Variants in MGA observed in about 807,000 individuals in gnomAD.
MGA encodes MAX dimerization protein MGA, also known as MAX gene-associated protein.
MGA carries 40 observed loss-of-function variants against 261.1 expected under a neutral mutation model. The observed-to-expected ratio is 0.15, with a 90% CI of 0.12 to 0.20. MGA has a LOEUF of 0.20. Ranked by LOEUF, MGA falls within the 10% of genes least tolerant of loss-of-function variation. The pLI is 1.00. For missense variants in MGA, 3,397 were observed against 3,630.5 expected, an observed-to-expected ratio of 0.94 and a Z score of 1.65; for synonymous variants, 1,302 against 1,290.6, an observed-to-expected ratio of 1.01 and a Z score of -0.19.
At position 41,645,958 on chromosome 15, in the gene MGA, C is replaced by T. The variant is rs1312121349; in HGVS notation, c.-67-22870C>T. 2.0e-5 allele frequency among the ~76,000 whole-genome samples: 3 copies of T among 152,138 alleles called. No individual in the cohort carries two copies. In the East Asian group the frequency reaches 5.8e-4, roughly 29 times the overall value. ...TGACTAGGTTGAATTCATTGAGACA[C>T]ATGGTGAAGTCTGTCAGAAAAGCTA... On this transcript the variant is annotated intron_variant, in intron 1 of 8. Coordinates refer to the MGA transcript ENST00000566718.
At chr15:41,635,785 A>G (rs1417579002) in intron 1 of MGA, among the ~76,000 whole-genome samples, 1 of 152,178 alleles carries the variant, frequency 6.6e-6, no homozygotes, top group Non-Finnish European at 1.5e-5. Flanking sequence ...GACTGCATAT[A>G]CTGTGGTGGT....
At chr15:41,691,000 T>G (rs953853980) in intron 2 of MGA, among the ~76,000 whole-genome samples, 1 of 151,048 alleles carries the variant, frequency 6.6e-6, no homozygotes, top group Non-Finnish European at 1.5e-5. Flanking sequence ...CTTTGTTTTT[T>G]TTTTTTTTTT....
At chr15:41,688,146 G>A (rs1413063322) in intron 2 of MGA, among the ~76,000 whole-genome samples, 1 of 152,154 alleles carries the variant, frequency 6.6e-6, no homozygotes, top group African/African-American at 2.4e-5. Context: ...TGCGATGTTG[G>A]CTCACTGCAA....
At chr15:41,732,185 G>C (rs2061543691) in intron 11 of MGA, among the ~76,000 whole-genome samples, 1 of 140,844 alleles carries the variant, frequency 7.1e-6, no homozygotes, top group Admixed American at 7.3e-5. Context: ...TTCTCGCTCT[G>C]TCCCCCAGGC....
At chr15:41,724,528 GTTAAAA>G (rs1251510798) in intron 9 of MGA, among the ~76,000 whole-genome samples, 1 of 152,040 alleles carries the variant, frequency 6.6e-6, no homozygotes, top group Non-Finnish European at 1.5e-5. Flanking sequence ...CTATAAAAAA[GTTAAAA>G]TTAAAAAATT....
At chr15:41,680,897 G>GGAGGTA (rs1315303375) in intron 2 of MGA, among the ~76,000 whole-genome samples, 1 of 152,144 alleles carries the variant, frequency 6.6e-6, no homozygotes, top group Non-Finnish European at 1.5e-5. Context: ...GGTTGAGCTG[G>GGAGGTA]CTCAGAGTCC....
In MGA at chr15:41,707,816, C is replaced by T. The variant is rs927722114; in HGVS notation, c.2277C>T (p.Ser759=). ...AGTTACCTTTGGCTCCAGCTACTAG[C>T]TTTCCTTTTTGGAACCTTACAGGAA... Residue 759 remains serine, a synonymous_variant, in exon 6 of 24, where the codon AGC becomes AGT. Transcript: ENST00000219905. The T allele has an allele frequency of 1.5e-5, 24 of 1,613,738 alleles. No individual in the cohort carries two copies. The African/African-American group carries it at 2.8e-4, about 19-fold the overall frequency.
chr15:41,752,534 A>G (rs1318902346), intron 17 of MGA, among the ~76,000 whole-genome samples: 2 of 150,826 alleles, frequency 1.3e-5, no homozygotes, highest in East Asian at 3.9e-4. Context: ...GAACTTACAT[A>G]ATAGAACCTT....
chr15:41,721,184 G>A (rs1205125374), intron 9 of MGA, among the ~76,000 whole-genome samples: 1 of 152,060 alleles, frequency 6.6e-6, no homozygotes, highest in Non-Finnish European at 1.5e-5. Context: ...AAGAAATTCA[G>A]AGGCTGGGCA....
At chr15:41,623,851 T>G (rs1461834208) in intron 1 of MGA, among the ~76,000 whole-genome samples, 1 of 151,438 alleles carries the variant, frequency 6.6e-6, no homozygotes, top group African/African-American at 2.4e-5. Flanking sequence ...CCACAACCTC[T>G]GCCTTCTGGG....
chr15:41,703,536 T>C (rs1364559030), intron 5 of MGA, among the ~76,000 whole-genome samples: 1 of 152,132 alleles, frequency 6.6e-6, no homozygotes, highest in South Asian at 2.1e-4. Flanking sequence ...GATTTATCTA[T>C]TCTTCTTTTT....
At chr15:41,694,617 C>T (rs2059456965) in intron 2 of MGA, among the ~76,000 whole-genome samples, 1 of 151,626 alleles carries the variant, frequency 6.6e-6, no homozygotes, top group South Asian at 2.1e-4. Context: ...AGCTCCGCCT[C>T]CCAGGTTCAC....
At chr15:41,724,632 C>T (rs1487313179) in intron 9 of MGA, among the ~76,000 whole-genome samples, 1 of 152,058 alleles carries the variant, frequency 6.6e-6, no homozygotes, top group East Asian at 1.9e-4. Flanking sequence ...CTATGGAGAG[C>T]CATGGTGGTG....
At chr15:41,636,046 A>C (rs979058046) in intron 1 of MGA, among the ~76,000 whole-genome samples, 2 of 152,222 alleles carry the variant, frequency 1.3e-5, no homozygotes, top group Non-Finnish European at 2.9e-5. Context: ...TACATATATT[A>C]CATAGTTCAT....
chr15:41,718,357 G>T, intron 9 of MGA: 3 of 522,234 alleles, frequency 5.7e-6, no homozygotes, highest in Non-Finnish European at 6.5e-6. Flanking sequence ...ATTTAGTTAG[G>T]TTCTTAAGAA....
chr15:41,643,874 C>T (rs1289234044), intron 1 of MGA, among the ~76,000 whole-genome samples: 4 of 151,610 alleles, frequency 2.6e-5, no homozygotes, highest in African/African-American at 9.7e-5. Flanking sequence ...AGCCTTTTTG[C>T]CATACTTAAG....
At chr15:41,757,743 T>C in intron 18 of MGA, 45 bp from the exon 19 acceptor site, 1 of 1,506,472 alleles carries the variant, frequency 6.6e-7, no homozygotes, top group Non-Finnish European at 9.2e-7. Context: ...AGGTCTTAGA[T>C]TATTAAATTT....
chr15:41,669,751 GTTC>G lies in MGA; in HGVS notation c.862_864del (p.Ser288del), dbSNP rs1273575774. 1.2e-6 allele frequency: 2 copies of G among 1,613,836 alleles called. No individual in the cohort carries two copies. The highest frequency in any genetic ancestry group is 1.7e-6 in the Non-Finnish European group (2 of 1,179,812). On this transcript the variant is annotated inframe_deletion, in exon 2 of 24. Coordinates refer to ENST00000219905, the MANE Select transcript of MGA (RefSeq NM_001164273.2). ...GACCAAGAAGGGAATAATATTTCCA[GTTC>G]TTCTGGTCATCGGGTCCGTCTTACA...
At chr15:41,722,290 C>T (rs796301257) in intron 9 of MGA, among the ~76,000 whole-genome samples, 7 of 152,092 alleles carry the variant, frequency 4.6e-5, no homozygotes, top group South Asian at 2.1e-4. Flanking sequence ...CCACCACACC[C>T]GGCTAATTTT....
Sources: allele counts gnomAD v4.1 joint callset (sites outside exome capture counted in the v4.1 genomes callset), GRCh38; gene constraint gnomAD v4.1.1; transcripts MANE v1.5; gene names NCBI Gene and HGNC (gene_info 2026-07-23, HGNC 2026-07-21).